PCSK5: variants seen among roughly 807,000 people sequenced by gnomAD.
PCSK5 encodes prohormone convertase 5.
Under a neutral mutation model 233.2 loss-of-function variants are expected in PCSK5, and 129 were observed. The observed-to-expected ratio is 0.55, with a 90% CI of 0.48 to 0.64. PCSK5 has a LOEUF of 0.64. PCSK5 is among the 30% of genes least tolerant of loss of function. PCSK5 has a pLI of 0.00. For synonymous variants in PCSK5, 825 were observed against 879.2 expected, an observed-to-expected ratio of 0.94 and a Z score of 1.09; for missense variants, 2,076 against 2,430.1, an observed-to-expected ratio of 0.85 and a Z score of 3.06.
intron 2 of PCSK5, among the ~76,000 whole-genome samples, chr9:75,940,698 T>G (rs1052271954): frequency 1.3e-5 from 2 of 152,202 alleles, no homozygotes; most frequent in Admixed American, 1.3e-4. Flanking sequence ...CTGTACATAA[T>G]GGAGAGGTTG....
At position 76,282,145 on chromosome 9, in the gene PCSK5, T is replaced by TTTTTTTTTTTTTTTTTTTTTTTC. The variant is rs1286020691; in HGVS notation, c.3143-10086_3143-10085insTTTTTTTTTTTTTTTTTTTTCTT. Among the ~76,000 whole-genome samples, 5 of 98,990 alleles carry TTTTTTTTTTTTTTTTTTTTTTTC rather than the reference T, an allele frequency of 5.1e-5. 2 individuals are homozygous for TTTTTTTTTTTTTTTTTTTTTTTC. Among genetic ancestry groups the TTTTTTTTTTTTTTTTTTTTTTTC allele is most frequent in the Non-Finnish European group, 1.0e-4 (5 of 48,200 alleles). The allele number at this position is 98,990 out of a possible 152,430, so 64.9% of individuals were successfully genotyped here. On this transcript the variant is annotated intron_variant, in intron 24 of 37. Transcript: ENST00000674117. ...CTTTTTTTTTTTTTTTTTTTTTTTT[T>TTTTTTTTTTTTTTTTTTTTTTTC]TTCGCTCTGTTGCCCAGGCTGGAGC...
At chr9:76,223,667 T>A (rs1009831563) in intron 20 of PCSK5, among the ~76,000 whole-genome samples, 4 of 152,202 alleles carry the variant, frequency 2.6e-5, no homozygotes, top group Admixed American at 6.5e-5. Flanking sequence ...AGAAAGATGA[T>A]CTGGAAATCA....
chr9:76,146,004 A>G (rs1010077638), intron 10 of PCSK5, among the ~76,000 whole-genome samples: 12 of 152,082 alleles, frequency 7.9e-5, no homozygotes, highest in Admixed American at 7.9e-4. Flanking sequence ...ATCTGGATAC[A>G]TCTTCTGGGA....
At chr9:75,990,939 A>C (rs1826741757) in intron 3 of PCSK5, among the ~76,000 whole-genome samples, 1 of 152,218 alleles carries the variant, frequency 6.6e-6, no homozygotes, top group Non-Finnish European at 1.5e-5. Context: ...TTTTGATTGA[A>C]TAAATGGATG....
Position 76,189,180 on chromosome 9 carries a change from T to C in PCSK5, c.2467T>C (p.Tyr823His), listed in dbSNP as rs1824246364. Reference protein sequence around the residue: ...RCVQSCSISYYFDHSSENGYK... With the variant: ...RCVQSCSISYHFDHSSENGYK... ...CGTGCAGAGCTGTAGTATCAGCTAT[T>C]ACTTTGACCACTCTTCAGAGAATGG... The change falls in exon 19 of 38, where the codon TAC becomes CAC. Residue 823 changes from tyrosine (Y) to histidine (H), a missense_variant. Tyr to His is a moderately conservative substitution (Grantham distance 83). This residue lies in a region of PCSK5 where 1,510 missense variants were observed against 1,538.1 expected (regional missense o/e 0.98). Coordinates refer to ENST00000674117, the MANE Select transcript of PCSK5 (RefSeq NM_001372043.1). The C allele has an allele frequency of 6.2e-7, 1 of 1,612,728 alleles. No homozygotes were observed. The highest frequency in any genetic ancestry group is 1.3e-5 in the African/African-American group (1 of 75,032).
chr9:76,137,147 A>T (rs1823019265), intron 10 of PCSK5, among the ~76,000 whole-genome samples: 1 of 152,094 alleles, frequency 6.6e-6, no homozygotes, highest in African/African-American at 2.4e-5. Context: ...TCTCGTCCTG[A>T]AGCAGCTACT....
intron 26 of PCSK5, among the ~76,000 whole-genome samples, 187 bp from the exon 27 acceptor site, chr9:76,296,477 AG>A (rs2131414866): frequency 6.6e-6 from 1 of 152,286 alleles, no homozygotes; most frequent in East Asian, 1.9e-4. Flanking sequence ...CGGGAGGTGG[AG>A]GATGCAGTGA....
At chr9:76,214,773 C>T (rs537526230) in intron 20 of PCSK5, among the ~76,000 whole-genome samples, 1 of 152,288 alleles carries the variant, frequency 6.6e-6, no homozygotes, top group Non-Finnish European at 1.5e-5. Context: ...CTTACATTTC[C>T]TGAGCCTTGG....
At chr9:76,056,978 CTA>C (rs1829843105) in intron 5 of PCSK5, among the ~76,000 whole-genome samples, 1 of 152,038 alleles carries the variant, frequency 6.6e-6, no homozygotes, top group African/African-American at 2.4e-5. Flanking sequence ...TAACAGATGA[CTA>C]ATATTCCAAT....
At chr9:76,205,609 T>C (rs1216632237) in intron 20 of PCSK5, among the ~76,000 whole-genome samples, 2 of 152,342 alleles carry the variant, frequency 1.3e-5, no homozygotes, top group East Asian at 1.9e-4. Flanking sequence ...AGGGACCATG[T>C]CTAACATTGA....
At chr9:75,966,586 T>A (rs181271107) in intron 2 of PCSK5, among the ~76,000 whole-genome samples, 42 of 152,330 alleles carry the variant, frequency 2.8e-4, no homozygotes, top group African/African-American at 9.4e-4. Flanking sequence ...TCAATGAAAT[T>A]TAATGAATAG....
intron 20 of PCSK5, among the ~76,000 whole-genome samples, chr9:76,192,644 C>T (rs992762628): frequency 3.3e-5 from 5 of 151,518 alleles, no homozygotes; most frequent in Non-Finnish European, 7.4e-5. Flanking sequence ...ATTTAATTGC[C>T]GTTCTAAAGA....
Position 76,295,343 on chromosome 9 carries a change from G to GT in PCSK5, c.3255dup (p.Asp1086Ter). On this transcript the variant is annotated frameshift_variant, in exon 26 of 38. Transcript: ENST00000674117. LOFTEE classifies it high-confidence loss of function. ...AGTGAGGAAGTGGAATGCAAGGCGT[G>GT]TGATAGTAACTGTGGCAGCTGTGAC... The GT allele has an allele frequency of 6.2e-7, 1 of 1,612,120 alleles. No individual in the cohort carries two copies. The highest frequency in any genetic ancestry group is 8.5e-7 in the Non-Finnish European group (1 of 1,179,264).
At chr9:76,099,667 G>T (rs899467320) in intron 8 of PCSK5, among the ~76,000 whole-genome samples, 1 of 152,152 alleles carries the variant, frequency 6.6e-6, no homozygotes, top group South Asian at 2.1e-4. Context: ...CTAGATATCA[G>T]AATGACAAAT....
intron 3 of PCSK5, among the ~76,000 whole-genome samples, chr9:75,997,727 C>T (rs1264860576): frequency 2.0e-5 from 3 of 152,100 alleles, no homozygotes; most frequent in African/African-American, 4.8e-5. Context: ...AAAATGCATT[C>T]ACCACTTATT....
intron 21 of PCSK5, among the ~76,000 whole-genome samples, chr9:76,232,035 G>T (rs965898869): frequency 2.6e-5 from 4 of 152,172 alleles, no homozygotes; most frequent in Non-Finnish European, 4.4e-5. Context: ...TGAGATGGAA[G>T]ACTGCAAGTG....
chr9:75,942,639 G>A (rs570532435), intron 2 of PCSK5, among the ~76,000 whole-genome samples: 4 of 152,202 alleles, frequency 2.6e-5, no homozygotes, highest in South Asian at 4.1e-4. Context: ...TGCTTTATCC[G>A]GTTTTTCACT....
intron 2 of PCSK5, among the ~76,000 whole-genome samples, chr9:75,960,426 A>G (rs1825298198): frequency 6.6e-6 from 1 of 152,194 alleles, no homozygotes; most frequent in Admixed American, 6.5e-5. Context: ...CTGAAAGGAA[A>G]TAGGGGCTGG....
chr9:76,105,641 T>C (rs1831947242), intron 8 of PCSK5, among the ~76,000 whole-genome samples: 1 of 152,214 alleles, frequency 6.6e-6, no homozygotes, highest in Non-Finnish European at 1.5e-5. Context: ...CCTGCAAGCA[T>C]CACATGTCGA....
Sources: gnomAD v4.1 joint callset for allele counts (sites outside exome capture counted in the v4.1 genomes callset) on GRCh38, gnomAD v4.1.1 for gene constraint, gnomAD v4.1.1 regional missense constraint, MANE v1.5 for transcripts, NCBI Gene and HGNC (gene_info 2026-07-23, HGNC 2026-07-21) for gene names.